The following KANSL1L variants were observed in gnomAD, a reference collection of about 807,000 sequenced individuals.
KANSL1L encodes the protein KAT8 regulatory NSL complex subunit 1-like protein.
Under a neutral mutation model 108.6 loss-of-function variants are expected in KANSL1L, and 25 were observed. The ratio of observed to expected loss-of-function variants is 0.23; its 90% CI spans 0.17 to 0.32. The LOEUF is 0.32. KANSL1L is among the 10% of genes least tolerant of loss of function. KANSL1L has a pLI of 1.00. For missense variants in KANSL1L, 1,137 were observed against 1,125.7 expected, an observed-to-expected ratio of 1.01 and a Z score of -0.14; for synonymous variants, 405 against 395.1, an observed-to-expected ratio of 1.03 and a Z score of -0.30.
Position 210,059,568 on chromosome 2 carries a change from T to G in KANSL1L, c.1756-15464A>C, listed in dbSNP as rs192722394. ...AATTTATCTGCAATTATATAAAGCA[T>G]ATTTTCTCACAGGAATATGTTATAC... is the stretch of plus-strand genomic sequence containing the variant. On this transcript the variant is annotated intron_variant, in intron 6 of 14. Transcript: ENST00000281772. Among the ~76,000 whole-genome samples the G allele has an allele frequency of 1.2e-3, 187 of 152,326 alleles. 1 individual carries two copies. The highest frequency in any genetic ancestry group is 4.2e-3 in the African/African-American group (176 of 41,574).
intron 3 of KANSL1L, among the ~76,000 whole-genome samples, chr2:210,127,244 A>T (rs2095074668): frequency 3.3e-5 from 5 of 152,176 alleles, no homozygotes; most frequent in Admixed American, 2.6e-4. Flanking sequence ...TATCTGAATG[A>T]AAACAAATGA....
At chr2:210,038,862 C>T (rs1016213435) in intron 8 of KANSL1L, among the ~76,000 whole-genome samples, 4 of 151,790 alleles carry the variant, frequency 2.6e-5, no homozygotes, top group African/African-American at 9.7e-5. Context: ...AATAGTAATA[C>T]CTACCTTATA....
At chr2:210,102,950 A>G (rs944390207) in intron 4 of KANSL1L, among the ~76,000 whole-genome samples, 1 of 152,194 alleles carries the variant, frequency 6.6e-6, no homozygotes, top group Non-Finnish European at 1.5e-5. Context: ...CATTTGACCC[A>G]GCCATCCCAT....
intron 3 of KANSL1L, among the ~76,000 whole-genome samples, chr2:210,105,377 AT>A (rs2094837227): frequency 2.2e-5 from 3 of 134,288 alleles, no homozygotes; most frequent in South Asian, 2.3e-4. Context: ...GAAAAAAAAT[AT>A]ATATATATAT....
At chr2:210,126,467 T>C (rs750534694) in intron 3 of KANSL1L, among the ~76,000 whole-genome samples, 3 of 152,022 alleles carry the variant, frequency 2.0e-5, no homozygotes, top group Non-Finnish European at 4.4e-5. Context: ...AAACTTATCC[T>C]AAAGGTCATA....
intron 5 of KANSL1L, chr2:210,097,231 A>G: frequency 1.0e-6 from 1 of 971,526 alleles, no homozygotes; most frequent in East Asian, 1.1e-4. Flanking sequence ...TACATCCACT[A>G]ATTTCACAAA....
chr2:210,040,288 A>C, intron 8 of KANSL1L, 132 bp downstream of exon 8: 1 of 639,830 alleles, frequency 1.6e-6, no homozygotes, highest in Non-Finnish European at 2.8e-6. Context: ...ATGAGTTGTA[A>C]AAAGTGAGTA....
chr2:210,033,133 GAA>G (rs1477299547), intron 8 of KANSL1L, among the ~76,000 whole-genome samples: 1 of 152,162 alleles, frequency 6.6e-6, no homozygotes, highest in Non-Finnish European at 1.5e-5. Flanking sequence ...TAGAAAGAGT[GAA>G]AAGGAGGGAA....
intron 3 of KANSL1L, among the ~76,000 whole-genome samples, chr2:210,122,427 GA>G (rs1559577361): frequency 6.6e-6 from 1 of 151,914 alleles, no homozygotes; most frequent in African/African-American, 2.4e-5. Context: ...AGAACTTGGG[GA>G]AAAAACAGTC....
intron 4 of KANSL1L, among the ~76,000 whole-genome samples, chr2:210,098,820 GT>G (rs59310373): frequency 0.94 from 141,501 of 150,750 alleles, 67,062 homozygotes; most frequent in Non-Finnish European, 1. Flanking sequence ...AAATATCAGA[GT>G]TTTTTTTTTA....
intron 8 of KANSL1L, among the ~76,000 whole-genome samples, chr2:210,037,184 T>A (rs994177087): frequency 2.0e-5 from 3 of 152,220 alleles, no homozygotes; most frequent in African/African-American, 7.2e-5. Context: ...TCATATGTAT[T>A]TCAAGTATGA....
At chr2:210,045,225 ACTTTG>A (rs1043804088) in intron 6 of KANSL1L, among the ~76,000 whole-genome samples, 8 of 152,068 alleles carry the variant, frequency 5.3e-5, no homozygotes, top group Non-Finnish European at 1.2e-4. Context: ...ATTGATTCCT[ACTTTG>A]CTTTAAGATT....
At chr2:210,137,574 C>A (rs7608400) in intron 2 of KANSL1L, among the ~76,000 whole-genome samples, 57,579 of 151,970 alleles carry the variant, frequency 0.38, 11,546 homozygotes, top group African/African-American at 0.52. Context: ...ATATTTCTGA[C>A]AATCTTAAAT....
intron 4 of KANSL1L, among the ~76,000 whole-genome samples, chr2:210,099,968 A>G (rs1312119592): frequency 2.6e-5 from 4 of 152,222 alleles, no homozygotes; most frequent in Non-Finnish European, 4.4e-5. Context: ...AAGATTTATA[A>G]TGTAAATACA....
At chr2:210,099,023 T>C (rs894926505) in intron 4 of KANSL1L, among the ~76,000 whole-genome samples, 1 of 152,072 alleles carries the variant, frequency 6.6e-6, no homozygotes, top group Non-Finnish European at 1.5e-5. Flanking sequence ...ACGTTCATCA[T>C]AGAAGAACTG....
At chr2:210,166,300 T>C (rs1687957244) in intron 1 of KANSL1L, among the ~76,000 whole-genome samples, 1 of 151,936 alleles carries the variant, frequency 6.6e-6, no homozygotes, top group Non-Finnish European at 1.5e-5. Context: ...ATGTACACAG[T>C]GAGATAATTA....
intron 7 of KANSL1L, 132 bp downstream of exon 7, chr2:210,043,807 A>G (rs780804415): frequency 7.2e-5 from 37 of 515,984 alleles, no homozygotes; most frequent in Non-Finnish European, 1.2e-4. Context: ...TTAATTGTCA[A>G]GGCATTGCTT....
chr2:210,128,781 G>A (rs1246833109), intron 3 of KANSL1L, among the ~76,000 whole-genome samples: 3 of 152,002 alleles, frequency 2.0e-5, no homozygotes, highest in African/African-American at 4.8e-5. Context: ...TTGAAAACAC[G>A]TTTATCACTT....
At chr2:210,144,527 A>G (rs940389732) in intron 2 of KANSL1L, among the ~76,000 whole-genome samples, 8 of 152,028 alleles carry the variant, frequency 5.3e-5, no homozygotes, top group African/African-American at 1.9e-4. Flanking sequence ...CTGACTGGAT[A>G]TTTTCAAATA....
Sources: allele counts gnomAD v4.1 joint callset (sites outside exome capture counted in the v4.1 genomes callset), GRCh38; gene constraint gnomAD v4.1.1; transcripts MANE v1.5; gene names NCBI Gene and HGNC (gene_info 2026-07-23, HGNC 2026-07-21).